Variants in MRPS24 observed in about 807,000 individuals in gnomAD.
MRPS24 encodes small ribosomal subunit protein uS3m.
MRPS24 carries 15 observed loss-of-function variants against 21.8 expected under a neutral mutation model. The observed-to-expected ratio is 0.69, with a 90% CI of 0.46 to 1.06. The LOEUF (loss-of-function observed/expected upper bound fraction) is 1.06. MRPS24 is among the 50% of genes least tolerant of loss of function. The probability of loss-of-function intolerance (pLI) is 0.00; values close to 1 mark genes in which losing one functional copy is unlikely to be tolerated. For synonymous variants in MRPS24, 93 were observed against 93.7 expected, an observed-to-expected ratio of 0.99 and a Z score of 0.04; for missense variants, 224 against 219.1, an observed-to-expected ratio of 1.02 and a Z score of -0.14.
In MRPS24 at chr7:43,869,202, C is replaced by A; in HGVS notation, c.108+106G>T. On this transcript the variant is annotated intron_variant, in intron 2 of 3. Transcript: ENST00000317534. The surrounding 1 kb of genome is among the most constrained non-coding windows in gnomAD (Gnocchi z 4.8). The stretch of plus-strand genomic sequence containing the variant: ...CCTGATCCCTAAGCCCCGACCCTAG[C>A]CCCGCCTCGGACCCCAGCGACACGC... The A allele has an allele frequency of 6.8e-7, 1 of 1,471,372 alleles. No individual in the cohort carries two copies. The highest frequency in any genetic ancestry group is 9.0e-7 in the Non-Finnish European group (1 of 1,115,756). The allele number at this position is 1,471,372 out of a possible 1,614,324, so 91.1% of individuals were successfully genotyped here.
chr7:43,866,731 C>G lies in MRPS24; in HGVS notation c.472G>C (p.Val158Leu). 1 of 1,614,166 alleles carries G rather than the reference C, an allele frequency of 6.2e-7. No homozygotes were observed. The highest frequency in any genetic ancestry group is 8.5e-7 in the Non-Finnish European group (1 of 1,180,036). The change falls in exon 4 of 4, where the codon GTG becomes CTG. Residue 158 changes from valine (V) to leucine (L), a missense_variant. By Grantham distance (32) the Val-to-Leu change is conservative. Coordinates refer to ENST00000317534, the MANE Select transcript of MRPS24 (RefSeq NM_032014.3). ...KCPVRLHLQT[V>L]PSKVVYKYL is the part of the protein sequence containing the mutation. ...TACTTATACACAACCTTTGAGGGCA[C>G]AGTTTGGAGGTGGAGTCGCACAGGA...
Position 43,866,759 on chromosome 7 carries a change from T to G in MRPS24, c.444A>C (p.Lys148Asn), listed in dbSNP as rs554249617. 1 of 1,614,158 alleles carries G rather than the reference T, an allele frequency of 6.2e-7. No homozygotes were observed. Among genetic ancestry groups the G allele is most frequent in the South Asian group, 1.1e-5 (1 of 91,082 alleles). Residue 148 changes from lysine to asparagine, a missense_variant, in exon 4 of 4, where the codon AAA (lysine) becomes AAC (asparagine). By Grantham distance (94) the Lys-to-Asn change is moderately conservative. Coordinates refer to ENST00000317534, the MANE Select transcript of MRPS24 (RefSeq NM_032014.3). ...YSETLLSYFY[K>N]CPVRLHLQTV... is the part of the protein sequence containing the mutation. Reference sequence around the variant, plus strand: ...TTTGGAGGTGGAGTCGCACAGGACATTTGTAAAAGTAGGACAGCAAAGTTT... The same window carrying G: ...TTTGGAGGTGGAGTCGCACAGGACAGTTGTAAAAGTAGGACAGCAAAGTTT...
chr7:43,868,776 C>G, intron 3 of MRPS24, 187 bp downstream of exon 3: 1 of 693,092 alleles, frequency 1.4e-6, no homozygotes, highest in Non-Finnish European at 2.2e-6. Context: ...TTGCATCCAT[C>G]TTCAAATTTG....
At chr7:43,867,984 T>C (rs2095837716) in intron 3 of MRPS24, 1 of 152,244 alleles carries the variant, frequency 6.6e-6, no homozygotes, top group Non-Finnish European at 1.5e-5. Flanking sequence ...CCATTGCTCC[T>C]AGGTGAAATA....
chr7:43,868,146 T>G (rs935129106), intron 3 of MRPS24: 1 of 152,182 alleles, frequency 6.6e-6, no homozygotes, highest in East Asian at 1.9e-4. Context: ...GAGCAACTCA[T>G]GACTGAAGAA....
Position 43,866,949 on chromosome 7 carries a change from C to G in MRPS24, c.254G>C (p.Arg85Pro), listed in dbSNP as rs747409691. 6.2e-7 allele frequency: 1 copy of G among 1,614,154 alleles called. No individual in the cohort carries two copies. Among genetic ancestry groups the G allele is most frequent in the East Asian group, 2.2e-5 (1 of 44,882 alleles). ...GCGAAGGAAAACATCCTCCACCGTT[C>G]GCTCTGCGGCATGGTCCTCTCCATC... is the stretch of plus-strand genomic sequence containing the variant. ...NLDGEDHAAE[R>P]TVEDVFLRKF... Residue 85 changes from arginine to proline, a missense_variant, in exon 4 of 4, where the codon CGA becomes CCA. Coordinates refer to ENST00000317534, the MANE Select transcript of MRPS24 (RefSeq NM_032014.3).
Position 43,869,090 on chromosome 7 carries a change from G to A in MRPS24, c.109-16C>T, listed in dbSNP as rs1430754043. The A allele has an allele frequency of 6.2e-7, 1 of 1,608,446 alleles. No homozygotes were observed. The highest frequency in any genetic ancestry group is 1.3e-5 in the African/African-American group (1 of 75,010). ...CCGCCCGGTTCTAGGAGCAAAAGGG[G>A]CCGTGACTCCACGAGATCCCCGATC... On this transcript the variant is annotated splice_polypyrimidine_tract_variant and intron_variant, in intron 2 of 3. Transcript: ENST00000317534. The surrounding 1 kb of genome is among the most constrained non-coding windows in gnomAD (Gnocchi z 4.8).
chr7:43,868,982 G>T lies in MRPS24; in HGVS notation c.201C>A (p.Gly67=), dbSNP rs778366541. ...HAPHYIAHRK[G]WLSLHTGNLD... ...GCTCACCTGTGTGCAGCGACAGCCA[G>T]CCTTTACGGTGGGCGATGTAGTGCG... The change falls in exon 3 of 4, where the codon GGC becomes GGA. Residue 67 remains glycine, a synonymous_variant. Transcript: ENST00000317534. 1 of 1,614,048 alleles carries T rather than the reference G, an allele frequency of 6.2e-7. No homozygotes were observed. Among genetic ancestry groups the T allele is most frequent in the Non-Finnish European group, 8.5e-7 (1 of 1,179,996 alleles).
Position 43,866,771 on chromosome 7 carries a change from G to A in MRPS24, c.432C>T (p.Ser144=). 2.5e-6 allele frequency: 4 copies of A among 1,614,220 alleles called. No homozygotes were observed. The highest frequency in any genetic ancestry group is 3.4e-6 in the Non-Finnish European group (4 of 1,180,048). Residue 144 remains serine, a synonymous_variant, in exon 4 of 4, where the codon TCC becomes TCT. Coordinates refer to ENST00000317534, the MANE Select transcript of MRPS24 (RefSeq NM_032014.3). The part of the protein sequence containing the change: ...FLVGYSETLL[S]YFYKCPVRLH... ...GTCGCACAGGACATTTGTAAAAGTA[G>A]GACAGCAAAGTTTCACTGTAGCCCA...
In MRPS24 at chr7:43,866,704, G is replaced by A; in HGVS notation, c.499C>T (p.Leu167Phe). The stretch of plus-strand genomic sequence containing the variant: ...ATGGAAAAAAGGGGATTGTTCTAGA[G>A]GTACTTATACACAACCTTTGAGGGC... The part of the protein sequence containing the change: ...TVPSKVVYKY[L>F] Residue 167 changes from leucine (L) to phenylalanine (F), a missense_variant, in exon 4 of 4, where the codon CTC (leucine) becomes TTC (phenylalanine). Physicochemically the swap from Leu to Phe is conservative, Grantham distance 22. Transcript: ENST00000317534. 1.2e-6 allele frequency: 2 copies of A among 1,614,106 alleles called. No homozygotes were observed. Among genetic ancestry groups the A allele is most frequent in the Non-Finnish European group, 8.5e-7 (1 of 1,179,976 alleles).
At chr7:43,868,888 C>T (rs2095838480) in intron 3 of MRPS24, 75 bp downstream of exon 3, 6 of 1,548,584 alleles carry the variant, frequency 3.9e-6, no homozygotes, top group African/African-American at 1.4e-5. Context: ...TTAAAGAAAA[C>T]CTGTGACACG....
chr7:43,868,110 T>C (rs2095837806), intron 3 of MRPS24: 1 of 152,134 alleles, frequency 6.6e-6, no homozygotes. Context: ...ATATGGTAGA[T>C]TCACTAACAT....
chr7:43,869,121 C>T lies in MRPS24; in HGVS notation c.109-47G>A, dbSNP rs1309563967. ...ACTCCACGAGATCCCCGATCCAGACCCCTACTTCGCGCCATGTCCCCCCAG... is the reference window on the plus strand; with the variant it reads ...ACTCCACGAGATCCCCGATCCAGACTCCTACTTCGCGCCATGTCCCCCCAG... On this transcript the variant is annotated intron_variant, in intron 2 of 3. Coordinates refer to ENST00000317534, the MANE Select transcript of MRPS24 (RefSeq NM_032014.3). This position sits in a 1 kb window ranked among gnomAD's most constrained non-coding sequence, Gnocchi z 4.8. The T allele has an allele frequency of 1.9e-6, 3 of 1,576,946 alleles. No individual in the cohort carries two copies. In the East Asian group the frequency reaches 6.9e-5, roughly 36 times the overall value.
chr7:43,868,992 T>C lies in MRPS24; in HGVS notation c.191A>G (p.His64Arg). Residue 64 changes from histidine to arginine, a missense_variant, in exon 3 of 4, where the codon CAC becomes CGC. Transcript: ENST00000317534. ...EEAHAPHYIA[H>R]RKGWLSLHTG... ...GTGCAGCGACAGCCAGCCTTTACGG[T>C]GGGCGATGTAGTGCGGCGCGTGTGC... 2 of 1,613,996 alleles carry C rather than the reference T, an allele frequency of 1.2e-6. No homozygotes were observed. The highest frequency in any genetic ancestry group is 1.7e-6 in the Non-Finnish European group (2 of 1,179,978).
At chr7:43,868,328 C>T (rs1373428249) in intron 3 of MRPS24, 1 of 152,134 alleles carries the variant, frequency 6.6e-6, no homozygotes, top group East Asian at 1.9e-4. Context: ...AAAAGGACAC[C>T]TTTTACAGTA....
chr7:43,868,822 TTA>T (rs2095838438), intron 3 of MRPS24, 139 bp downstream of exon 3: 1 of 1,103,546 alleles, frequency 9.1e-7, no homozygotes, highest in African/African-American at 1.6e-5. Flanking sequence ...CTCTGCTTTT[TTA>T]TGTCTCCCTT....
Position 43,869,185 on chromosome 7 carries a change from C to T in MRPS24, c.109-111G>A. On this transcript the variant is annotated intron_variant, in intron 2 of 3. Transcript: ENST00000317534. This position sits in a 1 kb window ranked among gnomAD's most constrained non-coding sequence, Gnocchi z 4.8. Reference sequence around the variant, plus strand: ...TTCCCCGGCCCCAATCCCCTGATCCCTAAGCCCCGACCCTAGCCCCGCCTC... The same window carrying T: ...TTCCCCGGCCCCAATCCCCTGATCCTTAAGCCCCGACCCTAGCCCCGCCTC... The T allele has an allele frequency of 6.8e-7, 1 of 1,480,504 alleles. No individual in the cohort carries two copies. Among genetic ancestry groups the T allele is most frequent in the South Asian group, 1.3e-5 (1 of 74,940 alleles). The allele number at this position is 1,480,504 out of a possible 1,614,324, so 91.7% of individuals were successfully genotyped here.
At chr7:43,868,192 C>G (rs924939345) in intron 3 of MRPS24, 1 of 152,150 alleles carries the variant, frequency 6.6e-6, no homozygotes, top group Admixed American at 6.5e-5. Flanking sequence ...CCCTAAGGCA[C>G]GTCACAGCCT....
chr7:43,868,899 T>C, intron 3 of MRPS24, 64 bp downstream of exon 3: 1 of 1,570,092 alleles, frequency 6.4e-7, no homozygotes, highest in Non-Finnish European at 8.7e-7. Flanking sequence ...CTGTGACACG[T>C]GTTCATTTTG....
Sources: allele counts gnomAD v4.1 joint callset, GRCh38; gene constraint gnomAD v4.1.1; non-coding constraint Gnocchi (gnomAD v3.1); transcripts MANE v1.5; gene names NCBI Gene and HGNC (gene_info 2026-07-23, HGNC 2026-07-21).